The following C12orf60 variants were observed in gnomAD, a reference collection of about 807,000 sequenced individuals.
C12orf60 encodes chromosome 12 open reading frame 60, also known as uncharacterized protein C12orf60.
For synonymous variants in C12orf60, 102 were observed against 94.6 expected (o/e 1.08, Z -0.45); for missense variants, 284 against 283.2 (o/e 1.00, Z -0.02).
chr12:14,806,051 A>T, intron 1 of C12orf60: 1 of 1,614,160 alleles, frequency 6.2e-7, no homozygotes, highest in African/African-American at 1.3e-5. Context: ...TAATGGCATG[A>T]TTATATTTTT....
chr12:14,822,886 A>T (rs778101680), intron 1 of C12orf60, 26 bp from the exon 2 acceptor site: 20 of 1,506,040 alleles, frequency 1.3e-5, no homozygotes, highest in Non-Finnish European at 1.8e-5. Flanking sequence ...TTTATTTTTC[A>T]TTTGGATTAC....
In C12orf60 at chr12:14,823,777, G is replaced by C. The variant is rs1173932499; in HGVS notation, c.*104G>C. Reference sequence around the variant, plus strand: ...TTGGTGCCAAACATGTGCTATGTTAGAACATAAGTACACAAAAGTCATCTG... The same window carrying C: ...TTGGTGCCAAACATGTGCTATGTTACAACATAAGTACACAAAAGTCATCTG... On this transcript the variant is annotated 3_prime_UTR_variant, in exon 2 of 2. Transcript: ENST00000330828. The C allele has an allele frequency of 3.7e-6, 4 of 1,095,534 alleles. No homozygotes were observed. Among genetic ancestry groups the C allele is most frequent in the Admixed American group, 3.2e-5 (1 of 30,998 alleles). 67.9% of individuals were successfully genotyped at this position (1,095,534 alleles called of 1,614,324 possible).
rs1469828510 is a variant in C12orf60, at chr12:14,822,912, T to C, written c.-24T>C. The stretch of plus-strand genomic sequence containing the variant: ...TTTGGATTACTGCTTTGCTTTGCAG[T>C]GTTGGAACTTATTTGTTGGAGAAAT... On this transcript the variant is annotated splice_region_variant and 5_prime_UTR_variant, in exon 2 of 2. Coordinates refer to ENST00000330828, the MANE Select transcript of C12orf60 (RefSeq NM_175874.4). 1.9e-6 allele frequency: 3 copies of C among 1,542,022 alleles called. No homozygotes were observed. The Admixed American group carries it at 6.2e-5, about 32-fold the overall frequency.
chr12:14,823,272 G>C lies in C12orf60; in HGVS notation c.337G>C (p.Glu113Gln). The C allele has an allele frequency of 6.2e-7, 1 of 1,614,078 alleles. No individual in the cohort carries two copies. Among genetic ancestry groups the C allele is most frequent in the South Asian group, 1.1e-5 (1 of 91,072 alleles). ...NVEELHQSAK[E>Q]VFKSAHTPVI... ...AGAGGAGTTGCATCAGTCAGCTAAA[G>C]AAGTATTCAAAAGTGCCCATACGCC... Residue 113 changes from glutamate (E) to glutamine (Q), a missense_variant, in exon 2 of 2, where the codon GAA (glutamate) becomes CAA (glutamine). Physicochemically the swap from Glu to Gln is conservative, Grantham distance 29. Transcript: ENST00000330828.
At chr12:14,816,101 C>G (rs1950212723) in intron 1 of C12orf60, among the ~76,000 whole-genome samples, 1 of 152,114 alleles carries the variant, frequency 6.6e-6, no homozygotes, top group Non-Finnish European at 1.5e-5. Context: ...AACGTCAAGT[C>G]AATAGTCAGA....
chr12:14,815,304 C>T (rs912473449), intron 1 of C12orf60, among the ~76,000 whole-genome samples: 2 of 152,036 alleles, frequency 1.3e-5, no homozygotes, highest in Non-Finnish European at 2.9e-5. Context: ...GGATGTGTGG[C>T]CAGTGTATCT....
At chr12:14,813,333 G>A in intron 1 of C12orf60, among the ~76,000 whole-genome samples, 1 of 152,178 alleles carries the variant, frequency 6.6e-6, no homozygotes, top group East Asian at 1.9e-4. Flanking sequence ...TGGGAGTGTG[G>A]AAATAGGGTA....
intron 1 of C12orf60, among the ~76,000 whole-genome samples, chr12:14,811,795 C>T (rs1003486033): frequency 4.6e-5 from 7 of 152,164 alleles, no homozygotes. Flanking sequence ...TCGTGAATAA[C>T]AGTAGTGCGT....
chr12:14,806,494 T>G (rs1950053270), intron 1 of C12orf60: 1 of 1,614,050 alleles, frequency 6.2e-7, no homozygotes, highest in African/African-American at 1.3e-5. Context: ...CAGTTTTCTT[T>G]GATGGTCCCA....
intron 1 of C12orf60, chr12:14,806,723 C>T (rs1950058242): frequency 6.5e-7 from 1 of 1,531,638 alleles, no homozygotes; most frequent in South Asian, 1.3e-5. Flanking sequence ...TAAATTTTTA[C>T]TGAAAGTCTT....
chr12:14,810,354 G>T (rs563158907), intron 1 of C12orf60, among the ~76,000 whole-genome samples: 25 of 152,326 alleles, frequency 1.6e-4, no homozygotes, highest in African/African-American at 5.8e-4. Context: ...CCATTGAATT[G>T]TGTTTTGGAC....
chr12:14,822,784 C>T, intron 1 of C12orf60, 128 bp from the exon 2 acceptor site: 1 of 695,012 alleles, frequency 1.4e-6, no homozygotes, highest in Non-Finnish European at 2.2e-6. Flanking sequence ...ATTTTTGTTT[C>T]AACGTATGTA....
intron 1 of C12orf60, chr12:14,806,710 T>C (rs1950058045): frequency 6.5e-7 from 1 of 1,544,792 alleles, no homozygotes; most frequent in South Asian, 1.3e-5. Flanking sequence ...AAAAATAAAA[T>C]GGTAAATTTT....
At chr12:14,806,581 C>G (rs769794820) in intron 1 of C12orf60, 1 of 1,614,088 alleles carries the variant, frequency 6.2e-7, no homozygotes, top group Admixed American at 1.7e-5. Context: ...TTGGTGACAT[C>G]GAAGCTGTCA....
intron 1 of C12orf60, among the ~76,000 whole-genome samples, chr12:14,809,603 T>C (rs1039861903): frequency 2.0e-5 from 3 of 152,096 alleles, no homozygotes; most frequent in Non-Finnish European, 4.4e-5. Flanking sequence ...GAGTTAAAAA[T>C]TAATAACAAA....
intron 1 of C12orf60, among the ~76,000 whole-genome samples, chr12:14,810,191 G>C (rs1465303019): frequency 1.3e-5 from 2 of 152,054 alleles, no homozygotes. Context: ...GGGTTTTCTT[G>C]TGCTAACATA....
chr12:14,823,784 A>G lies in C12orf60; in HGVS notation c.*111A>G. The G allele has an allele frequency of 1.1e-6, 1 of 935,024 alleles. No homozygotes were observed. Among genetic ancestry groups the G allele is most frequent in the Non-Finnish European group, 1.5e-6 (1 of 673,834 alleles). 57.9% of individuals were successfully genotyped at this position (935,024 alleles called of 1,614,324 possible). On this transcript the variant is annotated 3_prime_UTR_variant, in exon 2 of 2. Coordinates refer to ENST00000330828, the MANE Select transcript of C12orf60 (RefSeq NM_175874.4). The stretch of plus-strand genomic sequence containing the variant: ...CAAACATGTGCTATGTTAGAACATA[A>G]GTACACAAAAGTCATCTGGCAAAAC...
At chr12:14,807,920 C>T (rs1950078635) in intron 1 of C12orf60, among the ~76,000 whole-genome samples, 1 of 152,138 alleles carries the variant, frequency 6.6e-6, no homozygotes, top group African/African-American at 2.4e-5. Flanking sequence ...AATCCCAGCA[C>T]TTTGGGAGGC....
At chr12:14,805,888 T>A in intron 1 of C12orf60, 1 of 1,080,848 alleles carries the variant, frequency 9.3e-7, no homozygotes, top group Non-Finnish European at 1.3e-6. Context: ...TCCAAATTGT[T>A]TATCTTATTT....
Sources: allele counts gnomAD v4.1 joint callset (sites outside exome capture counted in the v4.1 genomes callset), GRCh38; gene constraint gnomAD v4.1.1; transcripts MANE v1.5; gene names NCBI Gene and HGNC (gene_info 2026-07-23, HGNC 2026-07-21).